LONP2: variants seen among roughly 807,000 people sequenced by gnomAD.
LONP2 encodes lon protease homolog 2, peroxisomal.
Under a neutral mutation model 85.6 loss-of-function variants are expected in LONP2, and 60 were observed. The ratio of observed to expected loss-of-function variants is 0.70; its 90% CI spans 0.57 to 0.87. The LOEUF is 0.87. LONP2 is among the 40% of genes least tolerant of loss of function. The pLI, the probability that LONP2 is intolerant of heterozygous loss-of-function variation, is 0.00. For synonymous variants in LONP2, 395 were observed against 389.7 expected (o/e 1.01, Z -0.16); for missense variants, 860 against 1,063.5 (o/e 0.81, Z 2.66).
chr16:48,307,294 C>T (rs115796736), intron 11 of LONP2, among the ~76,000 whole-genome samples: 10 of 152,228 alleles, frequency 6.6e-5, no homozygotes, highest in East Asian at 1.9e-4. Flanking sequence ...TCTGAATTGC[C>T]GTTTTCCTTT....
In LONP2 at chr16:48,352,001, A is replaced by T. The variant is rs995800440; in HGVS notation, c.*199A>T. On this transcript the variant is annotated 3_prime_UTR_variant, in exon 15 of 15. Transcript: ENST00000285737. ...TGATTTAGTAAACTGATAAAAATCG[A>T]ATTCTTGTCTTTTTAGTGGGATCCT... The T allele has an allele frequency of 1.8e-4, 105 of 588,964 alleles. No individual in the cohort carries two copies. The highest frequency in any genetic ancestry group is 9.0e-4 in the Middle Eastern group (2 of 2,222). The allele number at this position is 588,964 out of a possible 1,614,324, so 36.5% of individuals were successfully genotyped here.
At position 48,303,301 on chromosome 16, in the gene LONP2, A is replaced by T. The variant is rs1972845633; in HGVS notation, c.1791A>T (p.Arg597Ser). Residue 597 changes from arginine to serine, a missense_variant, in exon 11 of 15, where the codon AGA becomes AGT. Physicochemically the swap from Arg to Ser is moderately radical, Grantham distance 110. This residue lies in a region of LONP2 where 743 missense variants were observed against 917.3 expected (regional missense o/e 0.81). Coordinates refer to ENST00000285737, the MANE Select transcript of LONP2 (RefSeq NM_031490.5). ...TGGACCGTTCTGATGTGACTGAGAGAGAAGGTTGGTGACCTTGTTCTGGCA... is the reference window on the plus strand; with the variant it reads ...TGGACCGTTCTGATGTGACTGAGAGTGAAGGTTGGTGACCTTGTTCTGGCA... Reference protein sequence around the residue: ...AKLDRSDVTEREGCREHILED... With the variant: ...AKLDRSDVTESEGCREHILED... 2 of 1,612,606 alleles carry T rather than the reference A, an allele frequency of 1.2e-6. No individual in the cohort carries two copies. Among genetic ancestry groups the T allele is most frequent in the Non-Finnish European group, 1.7e-6 (2 of 1,178,760 alleles).
In LONP2 at chr16:48,356,215, T is replaced by TATC. The variant is rs1420265808; in HGVS notation, c.*4413_*4414insATC. The TATC allele has an allele frequency of 1.3e-5, 2 of 152,314 alleles. No individual in the cohort carries two copies. The highest frequency in any genetic ancestry group is 2.9e-5 in the Non-Finnish European group (2 of 68,142). 9.4% of individuals were successfully genotyped at this position (152,314 alleles called of 1,614,324 possible). ...CTGTGAGCTTCCAGTACTAGGTGATTGGTCTGCATTCACAGTGACCAAAAT... is the reference window on the plus strand; with the variant it reads ...CTGTGAGCTTCCAGTACTAGGTGATTATCGGTCTGCATTCACAGTGACCAAAAT... On this transcript the variant is annotated 3_prime_UTR_variant, in exon 15 of 15. Coordinates refer to ENST00000285737, the MANE Select transcript of LONP2 (RefSeq NM_031490.5).
At chr16:48,339,050 A>T (rs1959739656) in intron 12 of LONP2, among the ~76,000 whole-genome samples, 1 of 152,210 alleles carries the variant, frequency 6.6e-6, no homozygotes, top group South Asian at 2.1e-4. Context: ...AGCCCCAGAT[A>T]TTGAGGCTTT....
intron 11 of LONP2, among the ~76,000 whole-genome samples, chr16:48,313,219 C>T (rs528743890): frequency 5.3e-5 from 8 of 152,190 alleles, no homozygotes; most frequent in Admixed American, 3.3e-4. Context: ...ATTATGATTC[C>T]GTTGAATCTG....
In LONP2 at chr16:48,310,273, C is replaced by T. The variant is rs148792501; in HGVS notation, c.1795+6968C>T. Among the ~76,000 whole-genome samples the T allele has an allele frequency of 3.2e-4, 49 of 151,688 alleles. No homozygotes were observed. The East Asian group carries it at 9.3e-3, about 29-fold the overall frequency. On this transcript the variant is annotated intron_variant, in intron 11 of 14. Coordinates refer to ENST00000285737, the MANE Select transcript of LONP2 (RefSeq NM_031490.5). ...ACCAATTTATATCTTTGAAGTGGTG[C>T]ATTCAAGGTTAATACTGATGCATGA... is the stretch of plus-strand genomic sequence containing the variant.
At chr16:48,271,356 G>C (rs1369761565) in intron 7 of LONP2, among the ~76,000 whole-genome samples, 1 of 152,168 alleles carries the variant, frequency 6.6e-6, no homozygotes, top group Admixed American at 6.5e-5. Context: ...ATTGTAAGTT[G>C]TGAGAAAACA....
intron 8 of LONP2, among the ~76,000 whole-genome samples, chr16:48,290,477 C>T (rs1596952445): frequency 1.3e-5 from 2 of 152,282 alleles, no homozygotes; most frequent in Non-Finnish European, 2.9e-5. Context: ...CTTCAGATGC[C>T]AGTCGTGAGT....
intron 1 of LONP2, among the ~76,000 whole-genome samples, chr16:48,245,888 C>T (rs567466832): frequency 1.3e-5 from 2 of 152,176 alleles, no homozygotes; most frequent in East Asian, 3.9e-4. Flanking sequence ...CTGCCAAGCA[C>T]CCGCCTCCTA....
intron 6 of LONP2, among the ~76,000 whole-genome samples, chr16:48,265,121 T>A (rs1224675201): frequency 6.6e-6 from 1 of 152,214 alleles, no homozygotes; most frequent in East Asian, 1.9e-4. Context: ...TATTAACCCC[T>A]TATCAGAAAT....
Position 48,244,371 on chromosome 16 carries a change from G to T in LONP2, c.-18G>T, listed in dbSNP as rs371544681. ...GTCTGGCTCTTTTTGACAGCCCCCA[G>T]TGCGAAAGGCTGCCAGCATGTCATC... is the stretch of plus-strand genomic sequence containing the variant. On this transcript the variant is annotated 5_prime_UTR_variant, in exon 1 of 15. Transcript: ENST00000285737. The T allele has an allele frequency of 4.6e-6, 7 of 1,519,692 alleles. No individual in the cohort carries two copies. In the African/African-American group the frequency reaches 9.9e-5, roughly 22 times the overall value. 94.1% of individuals were successfully genotyped at this position (1,519,692 alleles called of 1,614,324 possible). A position where few individuals can be genotyped will look rare whatever the true frequency, so the allele number is the denominator to read the frequency against.
At chr16:48,270,458 C>T (rs1972080478) in intron 7 of LONP2, among the ~76,000 whole-genome samples, 184 bp downstream of exon 7, 1 of 152,152 alleles carries the variant, frequency 6.6e-6, no homozygotes, top group African/African-American at 2.4e-5. Flanking sequence ...ATGATAAACC[C>T]AAACTAACCT....
chr16:48,343,433 T>C (rs1484827850), intron 12 of LONP2, among the ~76,000 whole-genome samples: 4 of 152,156 alleles, frequency 2.6e-5, no homozygotes, highest in Non-Finnish European at 5.9e-5. Flanking sequence ...GCACAGCAGC[T>C]CACACCTGTA....
chr16:48,279,150 C>A (rs1972274076), intron 8 of LONP2, among the ~76,000 whole-genome samples: 1 of 152,090 alleles, frequency 6.6e-6, no homozygotes, highest in African/African-American at 2.4e-5. Flanking sequence ...AAAATTACTT[C>A]TCTTTAAGCT....
Position 48,303,212 on chromosome 16 carries a change from C to G in LONP2, c.1702C>G (p.Leu568Val), listed in dbSNP as rs750362594. Reference sequence around the variant, plus strand: ...AGGGGTTCGTTCTCTGGATAGAAAACTTGGGGCCATTTGCCGAGCTGTGGC... The same window carrying G: ...AGGGGTTCGTTCTCTGGATAGAAAAGTTGGGGCCATTTGCCGAGCTGTGGC... ...EAGVRSLDRK[L>V]GAICRAVAVK... Residue 568 changes from leucine (L) to valine (V), a missense_variant, in exon 11 of 15, where the codon CTT becomes GTT. By Grantham distance (32) the Leu-to-Val change is conservative (BLOSUM62 1). Coordinates refer to ENST00000285737, the MANE Select transcript of LONP2 (RefSeq NM_031490.5). 1 of 1,614,014 alleles carries G rather than the reference C, an allele frequency of 6.2e-7. No homozygotes were observed. The highest frequency in any genetic ancestry group is 1.1e-5 in the South Asian group (1 of 91,074).
In LONP2 at chr16:48,309,752, GT is replaced by G. The variant is rs766762168; in HGVS notation, c.1795+6448del. On this transcript the variant is annotated intron_variant, in intron 11 of 14. Transcript: ENST00000285737. ...TTTTAAATTTATTGAGACTTGTTTT[GT>G]GGCCTGACGTTTGGTCTGTCTTGGA... Among the ~76,000 whole-genome samples the G allele has an allele frequency of 3.9e-5, 6 of 151,966 alleles. No individual in the cohort carries two copies. The South Asian group carries it at 6.3e-4, about 16-fold the overall frequency.
chr16:48,280,519 A>G (rs1763180946), intron 8 of LONP2, among the ~76,000 whole-genome samples: 2 of 152,050 alleles, frequency 1.3e-5, no homozygotes, highest in Admixed American at 1.3e-4. Flanking sequence ...GCATAATGAT[A>G]TTTTCTTGTC....
In LONP2 at chr16:48,356,623, A is replaced by G. The variant is rs1384321190; in HGVS notation, c.*4821A>G. On this transcript the variant is annotated 3_prime_UTR_variant, in exon 15 of 15. Coordinates refer to ENST00000285737, the MANE Select transcript of LONP2 (RefSeq NM_031490.5). ...TTTGTTTTACAAACATTTGGTGGAT[A>G]CCACAATGAAAACTGCACTTAAAAA... 2 of 325,478 alleles carry G rather than the reference A, an allele frequency of 6.1e-6. No homozygotes were observed. Among genetic ancestry groups the G allele is most frequent in the Non-Finnish European group, 1.2e-5 (2 of 161,106 alleles). 20.2% of individuals were successfully genotyped at this position (325,478 alleles called of 1,614,324 possible).
chr16:48,307,123 A>G (rs2151004490), intron 11 of LONP2, among the ~76,000 whole-genome samples: 1 of 152,336 alleles, frequency 6.6e-6, no homozygotes, highest in Non-Finnish European at 1.5e-5. Context: ...AGTTAAAGAG[A>G]CTAAATAATA....
Sources: allele counts gnomAD v4.1 joint callset (sites outside exome capture counted in the v4.1 genomes callset), GRCh38; gene constraint gnomAD v4.1.1; regional missense constraint gnomAD v4.1.1; transcripts MANE v1.5; gene names NCBI Gene and HGNC (gene_info 2026-07-23, HGNC 2026-07-21).